DEPDC1B: variants seen among roughly 807,000 people sequenced by gnomAD.
DEPDC1B encodes the protein DEP domain-containing protein 1B.
A neutral mutation model predicts 66.5 loss-of-function variants in DEPDC1B; 51 were observed. The ratio of observed to expected loss-of-function variants is 0.77; its 90% CI spans 0.61 to 0.97. The LOEUF (loss-of-function observed/expected upper bound fraction) is 0.97, where lower values mean the gene tolerates loss of function less well. Among genes scored for constraint, DEPDC1B ranks in the 50% least tolerant of loss-of-function variants. The pLI, the probability that DEPDC1B is intolerant of heterozygous loss-of-function variation, is 0.00. For synonymous variants in DEPDC1B, 226 were observed against 223.6 expected (o/e 1.01, Z -0.10); for missense variants, 552 against 637.1 (o/e 0.87, Z 1.44).
At chr5:60,634,065 T>G (rs1297358199) in intron 7 of DEPDC1B, among the ~76,000 whole-genome samples, 1 of 152,206 alleles carries the variant, frequency 6.6e-6, no homozygotes, top group Admixed American at 6.5e-5. Context: ...CAGTAGAGTC[T>G]GCAGCAGTGA....
At chr5:60,645,466 T>C in intron 4 of DEPDC1B, 26 bp downstream of exon 4, 1 of 1,554,720 alleles carries the variant, frequency 6.4e-7, no homozygotes, top group Non-Finnish European at 8.7e-7. Flanking sequence ...TCTCTAAAAT[T>C]TCTCATTAAT....
At chr5:60,602,330 T>C (rs1752218345) in intron 9 of DEPDC1B, among the ~76,000 whole-genome samples, 1 of 152,170 alleles carries the variant, frequency 6.6e-6, no homozygotes, top group Non-Finnish European at 1.5e-5. Flanking sequence ...TTTTTCTATA[T>C]TTCCCAAGTT....
intron 2 of DEPDC1B, among the ~76,000 whole-genome samples, chr5:60,671,581 C>T (rs1211248375): frequency 6.6e-6 from 1 of 152,200 alleles, no homozygotes; most frequent in Admixed American, 6.5e-5. Flanking sequence ...TAGGCTCTTG[C>T]TACCCAATTC....
At chr5:60,672,535 G>A (rs1161449527) in intron 2 of DEPDC1B, among the ~76,000 whole-genome samples, 1 of 152,110 alleles carries the variant, frequency 6.6e-6, no homozygotes, top group Non-Finnish European at 1.5e-5. Context: ...CAGAAAGGGG[G>A]AAATCCTCCC....
In DEPDC1B at chr5:60,635,460, T is replaced by TG. The variant is rs1753022797; in HGVS notation, c.898+3289dup. ...GCATAATCAATCTAGTGAATGTCTATGGCATTTTCTATATTTAACATTTAG... is the reference window on the plus strand; with the variant it reads ...GCATAATCAATCTAGTGAATGTCTATGGGCATTTTCTATATTTAACATTTAG... On this transcript the variant is annotated intron_variant, in intron 7 of 10. Transcript: ENST00000265036. 2.0e-5 allele frequency among the ~76,000 whole-genome samples: 3 copies of TG among 152,228 alleles called. No individual in the cohort carries two copies. In the South Asian group the frequency reaches 6.2e-4, roughly 31 times the overall value.
chr5:60,626,664 T>G (rs141371227), intron 7 of DEPDC1B, among the ~76,000 whole-genome samples: 1,890 of 152,290 alleles, frequency 0.012, 15 homozygotes, highest in Non-Finnish European at 0.021. Context: ...CGAAAATACC[T>G]ACTCTTGCTA....
intron 7 of DEPDC1B, among the ~76,000 whole-genome samples, chr5:60,616,243 C>T (rs1247243949): frequency 2.0e-5 from 3 of 152,204 alleles, no homozygotes; most frequent in African/African-American, 7.2e-5. Context: ...ACCTCTCCTC[C>T]TCCAAAGGAA....
chr5:60,622,373 T>C (rs1326204261), intron 7 of DEPDC1B, among the ~76,000 whole-genome samples: 2 of 152,246 alleles, frequency 1.3e-5, no homozygotes, highest in Non-Finnish European at 2.9e-5. Context: ...TATATTGTTG[T>C]ATGTACCCAT....
At chr5:60,636,570 T>A (rs568155241) in intron 7 of DEPDC1B, among the ~76,000 whole-genome samples, 1 of 152,268 alleles carries the variant, frequency 6.6e-6, no homozygotes, top group Non-Finnish European at 1.5e-5. Flanking sequence ...CCCACTGGGA[T>A]CCAACCTACA....
chr5:60,644,796 T>C lies in DEPDC1B; in HGVS notation c.658A>G (p.Asn220Asp), dbSNP rs769269437. ...KLVNSKFIIH[N>D]VYSVSKQGVV... ...CCCTGCTTGCTAACACTATATACAT[T>C]ATGGATGATGAACTTCGAATTGACA... is the stretch of plus-strand genomic sequence containing the variant. The change falls in exon 5 of 11, where the codon AAT (asparagine) becomes GAT (aspartate). Residue 220 changes from asparagine to aspartate, a missense_variant. Asn to Asp is a conservative substitution (Grantham distance 23, BLOSUM62 1). Coordinates refer to ENST00000265036, the MANE Select transcript of DEPDC1B (RefSeq NM_018369.3). 7 of 1,611,522 alleles carry C rather than the reference T, an allele frequency of 4.3e-6. No homozygotes were observed. The highest frequency in any genetic ancestry group is 5.9e-6 in the Non-Finnish European group (7 of 1,178,686).
rs890319687 is a variant in DEPDC1B, at chr5:60,644,921, T to G, written c.579-46A>C. 2.8e-6 allele frequency: 4 copies of G among 1,438,738 alleles called. No homozygotes were observed. The African/African-American group carries it at 4.4e-5, about 16-fold the overall frequency. 89.1% of individuals were successfully genotyped at this position (1,438,738 alleles called of 1,614,324 possible). A position where few individuals can be genotyped will look rare whatever the true frequency, so the allele number is the denominator to read the frequency against. ...TTAATTAGTTCTGTCTTTAATATTATATTTACTCAAAAACCTGGTACTACA... is the reference window on the plus strand; with the variant it reads ...TTAATTAGTTCTGTCTTTAATATTAGATTTACTCAAAAACCTGGTACTACA... On this transcript the variant is annotated intron_variant, in intron 4 of 10. Coordinates refer to ENST00000265036, the MANE Select transcript of DEPDC1B (RefSeq NM_018369.3).
At chr5:60,618,758 A>T (rs1752629614) in intron 7 of DEPDC1B, among the ~76,000 whole-genome samples, 1 of 152,348 alleles carries the variant, frequency 6.6e-6, no homozygotes, top group Non-Finnish European at 1.5e-5. Context: ...AATCAATAGA[A>T]AAAGAGGGAA....
At chr5:60,673,111 C>G (rs1011693791) in intron 2 of DEPDC1B, among the ~76,000 whole-genome samples, 1 of 152,166 alleles carries the variant, frequency 6.6e-6, no homozygotes, top group Non-Finnish European at 1.5e-5. Flanking sequence ...TTCCCGCGCC[C>G]TTGATCACCC....
intron 9 of DEPDC1B, 46 bp from the exon 10 acceptor site, chr5:60,599,306 AT>A: frequency 7.0e-7 from 1 of 1,429,070 alleles, no homozygotes; most frequent in Non-Finnish European, 9.4e-7. Flanking sequence ...ATATTTTCAA[AT>A]AAATTATAAG....
chr5:60,602,249 A>G (rs1456192467), intron 9 of DEPDC1B, among the ~76,000 whole-genome samples: 3 of 142,656 alleles, frequency 2.1e-5, no homozygotes, highest in African/African-American at 8.4e-5. Flanking sequence ...ACAGACACAG[A>G]AAAAAAAATC....
intron 1 of DEPDC1B, among the ~76,000 whole-genome samples, chr5:60,693,306 C>A (rs947947451): frequency 2.0e-5 from 3 of 151,948 alleles, no homozygotes; most frequent in African/African-American, 7.3e-5. Flanking sequence ...GAGAAGAAAC[C>A]AAGTGAGTGG....
In DEPDC1B at chr5:60,618,516, G is replaced by C. The variant is rs1436106527; in HGVS notation, c.899-12660C>G. On this transcript the variant is annotated intron_variant, in intron 7 of 10. Transcript: ENST00000265036. ...CAGAGAATACTATAAACACCTCTAT[G>C]AAAATGAACTAGAAAATCTGGAAGA... Among the ~76,000 whole-genome samples the C allele has an allele frequency of 2.0e-5, 3 of 152,184 alleles. No individual in the cohort carries two copies. The East Asian group carries it at 5.8e-4, about 29-fold the overall frequency.
intron 1 of DEPDC1B, among the ~76,000 whole-genome samples, chr5:60,696,657 C>G (rs1393145838): frequency 1.3e-5 from 2 of 152,066 alleles, no homozygotes; most frequent in South Asian, 4.2e-4. Context: ...ATCTTTACAA[C>G]AAATGGAACA....
intron 2 of DEPDC1B, among the ~76,000 whole-genome samples, chr5:60,678,786 C>T (rs1561389749): frequency 6.6e-6 from 1 of 152,204 alleles, no homozygotes; most frequent in Non-Finnish European, 1.5e-5. Context: ...TTTACATATT[C>T]TTGATAGCAC....
Sources: allele counts gnomAD v4.1 joint callset (sites outside exome capture counted in the v4.1 genomes callset), GRCh38; gene constraint gnomAD v4.1.1; transcripts MANE v1.5; gene names NCBI Gene and HGNC (gene_info 2026-07-23, HGNC 2026-07-21).